Variants in FAM163A observed in about 807,000 individuals in gnomAD.
FAM163A encodes protein FAM163A.
A neutral mutation model predicts 12.0 loss-of-function variants in FAM163A; 7 were observed. The observed-to-expected ratio is 0.58, with a 90% confidence interval of 0.33 to 1.10. The LOEUF (loss-of-function observed/expected upper bound fraction) is 1.10. FAM163A is among the 50% of genes least tolerant of loss of function. The pLI is 0.03. For missense variants in FAM163A, 202 were observed against 218.6 expected (o/e 0.92, Z 0.48); for synonymous variants, 101 against 91.0 (o/e 1.11, Z -0.62).
chr1:179,738,926 T>C (rs1262602683), upstream of FAM163A, among the ~76,000 whole-genome samples: 2 of 152,194 alleles, frequency 1.3e-5, no homozygotes, highest in Non-Finnish European at 2.9e-5. Context: ...ATTTATTATA[T>C]AGCTTCAGTA....
intron 1 of FAM163A, among the ~76,000 whole-genome samples, chr1:179,794,173 A>C (rs1044609915): frequency 1.3e-5 from 2 of 152,200 alleles, no homozygotes; most frequent in Admixed American, 1.3e-4. Context: ...CTGCCTCCCT[A>C]GCCCATCAAT....
chr1:179,761,007 A>G (rs1286149724), intron 1 of FAM163A, among the ~76,000 whole-genome samples: 1 of 152,252 alleles, frequency 6.6e-6, no homozygotes, highest in African/African-American at 2.4e-5. Flanking sequence ...GATTGTTCTC[A>G]CAATTAACAT....
At chr1:179,781,636 A>G (rs1689749073) in intron 1 of FAM163A, among the ~76,000 whole-genome samples, 1 of 152,170 alleles carries the variant, frequency 6.6e-6, no homozygotes, top group Non-Finnish European at 1.5e-5. Context: ...AATGCAGGTT[A>G]GTTAAAAATG....
intron 1 of FAM163A, among the ~76,000 whole-genome samples, chr1:179,774,773 C>T (rs1011984972): frequency 5.9e-5 from 9 of 152,176 alleles, no homozygotes; most frequent in Non-Finnish European, 1.2e-4. Flanking sequence ...CCCGCAGACC[C>T]TGGACGAACT....
chr1:179,776,744 G>A (rs6425593), intron 1 of FAM163A, among the ~76,000 whole-genome samples: 27,022 of 152,138 alleles, frequency 0.18, 2,947 homozygotes, highest in African/African-American at 0.31. Context: ...TCTGTTTAAT[G>A]TATCGAAGTG....
intron 1 of FAM163A, among the ~76,000 whole-genome samples, chr1:179,764,587 A>G (rs1275815086): frequency 6.6e-6 from 1 of 152,154 alleles, no homozygotes; most frequent in Non-Finnish European, 1.5e-5. Context: ...TCCCCATTTT[A>G]TGACTAAAAG....
Position 179,757,790 on chromosome 1 carries a change from C to G in FAM163A, c.-136+14367C>G, listed in dbSNP as rs59425058. ...TTGCGCCACTGCACTCCAGCCTGAGCGACAAAGCGAGACTGTCTCAAAACA... is the reference window on the plus strand; with the variant it reads ...TTGCGCCACTGCACTCCAGCCTGAGGGACAAAGCGAGACTGTCTCAAAACA... On this transcript the variant is annotated intron_variant, in intron 1 of 4. Coordinates refer to ENST00000341785, the MANE Select transcript of FAM163A (RefSeq NM_173509.3). Among the ~76,000 whole-genome samples the G allele has an allele frequency of 9.2e-4, 140 of 151,678 alleles. 2 individuals are homozygous for G. The highest frequency in any genetic ancestry group is 3.4e-3 in the Middle Eastern group (1 of 294).
the FAM163A span, among the ~76,000 whole-genome samples, chr1:179,734,403 G>A: frequency 6.6e-6 from 1 of 151,748 alleles, no homozygotes; most frequent in Non-Finnish European, 1.5e-5. Flanking sequence ...GAAATTAAAC[G>A]AATACTCCTT....
chr1:179,740,809 TTGTGTATCTTGACTG>T (rs1377238969), upstream of FAM163A, among the ~76,000 whole-genome samples: 1 of 152,132 alleles, frequency 6.6e-6, no homozygotes, highest in Non-Finnish European at 1.5e-5. Context: ...GGTGGAAATG[TTGTGTATCTTGACTG>T]TGTCAATGTC....
chr1:179,761,038 T>C (rs1435411371), intron 1 of FAM163A, among the ~76,000 whole-genome samples: 2 of 152,204 alleles, frequency 1.3e-5, no homozygotes, highest in Non-Finnish European at 2.9e-5. Flanking sequence ...AACTGAAATG[T>C]TTCATAATAG....
intron 1 of FAM163A, among the ~76,000 whole-genome samples, chr1:179,798,166 G>T (rs902302749): frequency 3.3e-5 from 5 of 152,042 alleles, no homozygotes; most frequent in Admixed American, 6.5e-5. Context: ...GGAAGTGGAG[G>T]TTGCAGTGAG....
chr1:179,740,234 G>A (rs934948433), upstream of FAM163A, among the ~76,000 whole-genome samples: 5 of 152,064 alleles, frequency 3.3e-5, no homozygotes, highest in South Asian at 4.2e-4. Context: ...GCTGAAGTGC[G>A]GTGGTTCAAT....
At chr1:179,750,964 AGGATGAGTTCC>A (rs1368643864) in intron 1 of FAM163A, among the ~76,000 whole-genome samples, 1 of 152,144 alleles carries the variant, frequency 6.6e-6, no homozygotes, top group African/African-American at 2.4e-5. Context: ...AAGGGTGTGG[AGGATGAGTTCC>A]AGACTTCCAG....
intron 1 of FAM163A, among the ~76,000 whole-genome samples, chr1:179,778,497 G>A (rs1689285127): frequency 6.6e-6 from 1 of 152,218 alleles, no homozygotes; most frequent in South Asian, 2.1e-4. Context: ...TGCAGTTCAT[G>A]CAAAGGAGTG....
intron 1 of FAM163A, among the ~76,000 whole-genome samples, chr1:179,776,512 A>T (rs983240539): frequency 5.3e-5 from 8 of 150,096 alleles, no homozygotes; most frequent in Admixed American, 4.7e-4. Flanking sequence ...AAACAGAGAG[A>T]GAAACCACCT....
intron 1 of FAM163A, among the ~76,000 whole-genome samples, chr1:179,755,646 A>C (rs1333992043): frequency 6.6e-6 from 1 of 152,190 alleles, no homozygotes; most frequent in Non-Finnish European, 1.5e-5. Context: ...TCAGGAAAAC[A>C]GAATTGATTC....
chr1:179,742,413 G>C (rs1426362674), upstream of FAM163A: 1 of 152,242 alleles, frequency 6.6e-6, no homozygotes, highest in Admixed American at 6.5e-5. Flanking sequence ...CTCCCTCCTC[G>C]AGCATTAACC....
At position 179,815,027 on chromosome 1, in the gene FAM163A, C is replaced by CGTG. The variant is rs1320209562; in HGVS notation, c.*838_*839insGTG. On this transcript the variant is annotated 3_prime_UTR_variant, in exon 5 of 5. Coordinates refer to ENST00000341785, the MANE Select transcript of FAM163A (RefSeq NM_173509.3). ...CAGCTGACTGTCTCTCGGCCCAGCC[C>CGTG]ACCACGCCGAGTAGCTTGTGTGGAT... The CGTG allele has an allele frequency of 6.6e-6, 1 of 152,124 alleles. No individual in the cohort carries two copies. Among genetic ancestry groups the CGTG allele is most frequent in the Non-Finnish European group, 1.5e-5 (1 of 68,046 alleles). The allele number at this position is 152,124 out of a possible 1,614,324, so 9.4% of individuals were successfully genotyped here. A position where few individuals can be genotyped will look rare whatever the true frequency, so the allele number is the denominator to read the frequency against.
chr1:179,783,216 C>A (rs1690051403), intron 1 of FAM163A, among the ~76,000 whole-genome samples: 1 of 151,540 alleles, frequency 6.6e-6, no homozygotes, highest in African/African-American at 2.4e-5. Context: ...TCTCAACTAT[C>A]TGAAGAATAA....
Sources: gnomAD v4.1 joint callset for allele counts (sites outside exome capture counted in the v4.1 genomes callset) on GRCh38, gnomAD v4.1.1 for gene constraint, MANE v1.5 for transcripts, NCBI Gene and HGNC (gene_info 2026-07-23, HGNC 2026-07-21) for gene names.